The following ZNF212 variants were observed in gnomAD, a reference collection of about 807,000 sequenced individuals.
The protein encoded by ZNF212 is Zinc finger protein C2H2-150.
ZNF212 carries 32 observed loss-of-function variants against 47.3 expected under a neutral mutation model. The ratio of observed to expected loss-of-function variants is 0.68; its 90% CI spans 0.51 to 0.91. The LOEUF (loss-of-function observed/expected upper bound fraction) is 0.91, where lower values mean the gene tolerates loss of function less well. Ranked by LOEUF, ZNF212 falls within the 40% of genes least tolerant of loss-of-function variation. The probability of loss-of-function intolerance (pLI) is 0.00; values close to 1 mark genes in which losing one functional copy is unlikely to be tolerated. For missense variants in ZNF212, 555 were observed against 622.8 expected, an observed-to-expected ratio of 0.89 and a Z score of 1.16; for synonymous variants, 242 against 253.8, an observed-to-expected ratio of 0.95 and a Z score of 0.44.
At chr7:149,241,589 C>G (rs952441477) in intron 1 of ZNF212, among the ~76,000 whole-genome samples, 1 of 152,062 alleles carries the variant, frequency 6.6e-6, no homozygotes, top group African/African-American at 2.4e-5. Context: ...AAGTAGGTGC[C>G]CTGATGAAAC....
rs2129524107 is a variant in ZNF212, at chr7:149,239,690, CTTCCAACAGGCTCTGG to C, written c.-88_-73del. On this transcript the variant is annotated 5_prime_UTR_variant, in exon 1 of 5. Coordinates refer to ENST00000335870, the MANE Select transcript of ZNF212 (RefSeq NM_012256.4). ...ATCAACACGGCGGCGGCGGCGGCGG[CTTCCAACAGGCTCTGG>C]GGCGCCGAGCGGACAGGAACGCAGC... The C allele has an allele frequency of 7.7e-7, 1 of 1,294,168 alleles. No homozygotes were observed. The highest frequency in any genetic ancestry group is 9.8e-7 in the Non-Finnish European group (1 of 1,016,434). 80.2% of individuals were successfully genotyped at this position (1,294,168 alleles called of 1,614,324 possible). A position where few individuals can be genotyped will look rare whatever the true frequency, so the allele number is the denominator to read the frequency against.
rs199640899 is a variant in ZNF212 at position 149,253,543 on chromosome 7, T to G, written c.632-16T>G. On this transcript the variant is annotated splice_polypyrimidine_tract_variant and intron_variant, in intron 4 of 4. Coordinates refer to ENST00000335870, the MANE Select transcript of ZNF212 (RefSeq NM_012256.4). ...TAGAATGTGATCTTTTTTGTTGGTC[T>G]TCTTCCACTTTGCAGCAGGTGGGGT... The G allele has an allele frequency of 4.5e-5, 72 of 1,586,754 alleles. No homozygotes were observed. The highest frequency in any genetic ancestry group is 5.3e-5 in the Non-Finnish European group (62 of 1,162,084).
rs368617784 is a variant in ZNF212 at position 149,254,425 on chromosome 7, C to A, written c.*10C>A. 1.3e-6 allele frequency: 2 copies of A among 1,580,368 alleles called. No individual in the cohort carries two copies. The highest frequency in any genetic ancestry group is 2.2e-5 in the East Asian group (1 of 44,738). ...CAATGGCCTGCTTTAAGGGTGCAGC[C>A]CCTCGCCCGTCTGGGGGATGGAGGG... On this transcript the variant is annotated 3_prime_UTR_variant, in exon 5 of 5. Coordinates refer to ENST00000335870, the MANE Select transcript of ZNF212 (RefSeq NM_012256.4). This position sits in a 1 kb window ranked among gnomAD's most constrained non-coding sequence, Gnocchi z 4.5.
Position 149,239,701 on chromosome 7 carries a change from CTCTGG to C in ZNF212, c.-77_-73del, listed in dbSNP as rs2129524109. ...GGCGGCGGCGGCGGCTTCCAACAGG[CTCTGG>C]GGCGCCGAGCGGACAGGAACGCAGC... On this transcript the variant is annotated 5_prime_UTR_variant, in exon 1 of 5. The change creates a premature stop within an existing upstream ORF in the 5' untranslated region. Transcript: ENST00000335870. 1 of 1,192,748 alleles carries C rather than the reference CTCTGG, an allele frequency of 8.4e-7. No individual in the cohort carries two copies. Among genetic ancestry groups the C allele is most frequent in the Non-Finnish European group, 1.1e-6 (1 of 934,516 alleles). 73.9% of individuals were successfully genotyped at this position (1,192,748 alleles called of 1,614,324 possible). A position where few individuals can be genotyped will look rare whatever the true frequency, so the allele number is the denominator to read the frequency against.
At position 149,250,564 on chromosome 7, in the gene ZNF212, ATTAAAAG is replaced by A; in HGVS notation, c.414+20_414+26del. 6.2e-7 allele frequency: 1 copy of A among 1,605,786 alleles called. No individual in the cohort carries two copies. Among genetic ancestry groups the A allele is most frequent in the South Asian group, 1.1e-5 (1 of 90,378 alleles). On this transcript the variant is annotated intron_variant, in intron 2 of 4. Transcript: ENST00000335870. ...GGCCCCCAAGGTAGTCTCATTGAGGATTAAAAGTTAGAAGAGAAGGGGGAGCCAGCCC... is the reference window on the plus strand; with the variant it reads ...GGCCCCCAAGGTAGTCTCATTGAGGATTAGAAGAGAAGGGGGAGCCAGCCC...
At chr7:149,243,595 G>A (rs1443700883) in intron 1 of ZNF212, among the ~76,000 whole-genome samples, 4 of 152,008 alleles carry the variant, frequency 2.6e-5, no homozygotes, top group African/African-American at 7.3e-5. Context: ...AGAGATAGAA[G>A]GCTCCTACTA....
chr7:149,239,765 G>A lies in ZNF212; in HGVS notation c.-14G>A. On this transcript the variant is annotated 5_prime_UTR_variant, in exon 1 of 5. Transcript: ENST00000335870. ...TCCGAGGCGGGGTCTGGGTGTTGAG[G>A]GGCGACTGGAGCCATGGCGGAGTCG... 1 of 1,277,098 alleles carries A rather than the reference G, an allele frequency of 7.8e-7. No homozygotes were observed. Among genetic ancestry groups the A allele is most frequent in the Non-Finnish European group, 1.0e-6 (1 of 1,004,466 alleles). 79.1% of individuals were successfully genotyped at this position (1,277,098 alleles called of 1,614,324 possible).
Position 149,254,334 on chromosome 7 carries a change from C to T in ZNF212, c.1407C>T (p.His469=). 1 of 1,612,900 alleles carries T rather than the reference C, an allele frequency of 6.2e-7. No individual in the cohort carries two copies. Among genetic ancestry groups the T allele is most frequent in the Non-Finnish European group, 8.5e-7 (1 of 1,180,042 alleles). The change falls in exon 5 of 5, where the codon CAC becomes CAT. Residue 469 remains histidine (H), a synonymous_variant. Coordinates refer to ENST00000335870, the MANE Select transcript of ZNF212 (RefSeq NM_012256.4). This position sits in a 1 kb window ranked among gnomAD's most constrained non-coding sequence, Gnocchi z 4.5. ...ECEKSFVQKQ[H]LLQHQKIHQR... ...AGAAGAGCTTTGTCCAGAAGCAGCA[C>T]CTCCTGCAGCACCAGAAGATCCACC...
At position 149,251,053 on chromosome 7, in the gene ZNF212, T is replaced by G. The variant is rs1228275553; in HGVS notation, c.541+246T>G. On this transcript the variant is annotated intron_variant, in intron 3 of 4. Transcript: ENST00000335870. ...AGCTCGCAGCATTGTGCCTTTTGTG[T>G]TTTTTTTTTTTTTTTCCTGTGGTCA... Among the ~76,000 whole-genome samples, 17 of 101,764 alleles carry G rather than the reference T, an allele frequency of 1.7e-4. No individual in the cohort carries two copies. In the South Asian group the frequency reaches 4.3e-3, roughly 26 times the overall value. The allele number at this position is 101,764 out of a possible 152,430, so 66.8% of individuals were successfully genotyped here.
Position 149,239,807 on chromosome 7 carries a change from A to C in ZNF212, c.24+5A>C, listed in dbSNP as rs764213502. ...GCGGAGTCGGCGCCTGCTCGGGTAAAGAGGCACCGGCGCGCTGGCTCGAGG... is the reference window on the plus strand; with the variant it reads ...GCGGAGTCGGCGCCTGCTCGGGTAACGAGGCACCGGCGCGCTGGCTCGAGG... On this transcript the variant is annotated splice_donor_5th_base_variant and intron_variant, in intron 1 of 4. Transcript: ENST00000335870. 1.6e-6 allele frequency: 2 copies of C among 1,273,952 alleles called. No individual in the cohort carries two copies. Among genetic ancestry groups the C allele is most frequent in the African/African-American group, 3.0e-5 (2 of 65,608 alleles). 78.9% of individuals were successfully genotyped at this position (1,273,952 alleles called of 1,614,324 possible).
In ZNF212 at chr7:149,254,650, G is replaced by T; in HGVS notation, c.*235G>T. 1 of 562,498 alleles carries T rather than the reference G, an allele frequency of 1.8e-6. No individual in the cohort carries two copies. Among genetic ancestry groups the T allele is most frequent in the Non-Finnish European group, 2.9e-6 (1 of 340,970 alleles). The allele number at this position is 562,498 out of a possible 1,614,324, so 34.8% of individuals were successfully genotyped here. On this transcript the variant is annotated 3_prime_UTR_variant, in exon 5 of 5. Transcript: ENST00000335870. The surrounding 1 kb of genome is among the most constrained non-coding windows in gnomAD (Gnocchi z 4.5). ...TGTTTCTTGGCACCTTCAGGTCTCT[G>T]GTTTTCTCATTCATGCCAATGCTTG... is the stretch of plus-strand genomic sequence containing the variant.
At chr7:149,246,788 A>G (rs989911091) in intron 1 of ZNF212, among the ~76,000 whole-genome samples, 1 of 150,820 alleles carries the variant, frequency 6.6e-6, no homozygotes, top group African/African-American at 2.4e-5. Context: ...AATGAAACAC[A>G]AATGTAGCCT....
intron 1 of ZNF212, among the ~76,000 whole-genome samples, chr7:149,240,745 T>C (rs1349243225): frequency 6.6e-6 from 1 of 152,214 alleles, no homozygotes; most frequent in South Asian, 2.1e-4. Context: ...TTCCTTGGTC[T>C]AGAAACACTT....
At chr7:149,249,501 G>A (rs1796721890) in intron 1 of ZNF212, among the ~76,000 whole-genome samples, 1 of 152,042 alleles carries the variant, frequency 6.6e-6, no homozygotes, top group Non-Finnish European at 1.5e-5. Flanking sequence ...AGGAGTCTCA[G>A]AGAATATGCT....
intron 4 of ZNF212, 29 bp downstream of exon 4, chr7:149,252,824 C>T (rs1311494073): frequency 1.9e-6 from 3 of 1,606,026 alleles, no homozygotes; most frequent in Middle Eastern, 1.7e-4. Context: ...TTCTGTTCCC[C>T]TTCCATAGCC....
At chr7:149,243,617 GT>G (rs1796632336) in intron 1 of ZNF212, among the ~76,000 whole-genome samples, 3 of 151,972 alleles carry the variant, frequency 2.0e-5, no homozygotes, top group Admixed American at 1.3e-4. Context: ...TTTTGTAATG[GT>G]AAAAGACTCA....
At chr7:149,243,843 A>G (rs1190271362) in intron 1 of ZNF212, among the ~76,000 whole-genome samples, 1 of 152,244 alleles carries the variant, frequency 6.6e-6, no homozygotes, top group Admixed American at 6.5e-5. Flanking sequence ...TCTGCTCTGC[A>G]CTGTTTAATA....
chr7:149,244,886 G>A (rs1254353736), intron 1 of ZNF212, among the ~76,000 whole-genome samples: 1 of 152,150 alleles, frequency 6.6e-6, no homozygotes, highest in Non-Finnish European at 1.5e-5. Context: ...ACAGAGAGTG[G>A]AGCAGAGACG....
Position 149,254,567 on chromosome 7 carries a change from C to T in ZNF212, c.*152C>T. 1.7e-6 allele frequency: 2 copies of T among 1,211,176 alleles called. No individual in the cohort carries two copies. The highest frequency in any genetic ancestry group is 2.2e-6 in the Non-Finnish European group (2 of 899,536). The allele number at this position is 1,211,176 out of a possible 1,614,324, so 75.0% of individuals were successfully genotyped here. On this transcript the variant is annotated 3_prime_UTR_variant, in exon 5 of 5. Coordinates refer to ENST00000335870, the MANE Select transcript of ZNF212 (RefSeq NM_012256.4). The surrounding 1 kb of genome is among the most constrained non-coding windows in gnomAD (Gnocchi z 4.5). ...TACCAAGCCAAGCCCAAAGGCTGTC[C>T]TGAAAACCCTGTGGAAGAAGAGTCC...
Sources: gnomAD v4.1 joint callset for allele counts (sites outside exome capture counted in the v4.1 genomes callset) on GRCh38, gnomAD v4.1.1 for gene constraint, Gnocchi (gnomAD v3.1) non-coding constraint, MANE v1.5 for transcripts, NCBI Gene and HGNC (gene_info 2026-07-23, HGNC 2026-07-21) for gene names.